The following SIMC1 variants were observed in gnomAD, a reference collection of about 807,000 sequenced individuals.
SIMC1 encodes SUMO-interacting motif-containing protein 1.
Under a neutral mutation model 82.3 loss-of-function variants are expected in SIMC1, and 55 were observed. The observed-to-expected ratio is 0.67, with a 90% CI of 0.54 to 0.84. The LOEUF is 0.84. Ranked by LOEUF, SIMC1 falls within the 40% of genes least tolerant of loss-of-function variation. The pLI, the probability that SIMC1 is intolerant of heterozygous loss-of-function variation, is 0.00. For synonymous variants in SIMC1, 353 were observed against 426.3 expected, an observed-to-expected ratio of 0.83 and a Z score of 2.12; for missense variants, 915 against 1,107.2, an observed-to-expected ratio of 0.83 and a Z score of 2.46.
At chr5:176,289,280 C>T (rs1485147092) in intron 1 of SIMC1, among the ~76,000 whole-genome samples, 3 of 152,186 alleles carry the variant, frequency 2.0e-5, no homozygotes, top group Non-Finnish European at 4.4e-5. Flanking sequence ...TAGATTCTTT[C>T]ACATTTGCTT....
intron 1 of SIMC1, among the ~76,000 whole-genome samples, chr5:176,277,564 G>T (rs1311682826): frequency 6.6e-6 from 1 of 151,992 alleles, no homozygotes; most frequent in Non-Finnish European, 1.5e-5. Flanking sequence ...TTTTCTTCTA[G>T]GGTTTTTATA....
intron 1 of SIMC1, among the ~76,000 whole-genome samples, chr5:176,281,250 C>T (rs1012049312): frequency 9.8e-5 from 15 of 152,346 alleles, no homozygotes; most frequent in Admixed American, 2.6e-4. Flanking sequence ...GCATGCTTCA[C>T]GTAGTTCTCG....
chr5:176,290,926 A>C lies in SIMC1; in HGVS notation c.1402A>C (p.Thr468Pro). 1 of 1,603,946 alleles carries C rather than the reference A, an allele frequency of 6.2e-7. No individual in the cohort carries two copies. Residue 468 changes from threonine (T) to proline (P), a missense_variant, in exon 2 of 10, where the codon ACG becomes CCG. Physicochemically the swap from Thr to Pro is conservative, Grantham distance 38. This residue lies in a region of SIMC1 where 902 missense variants were observed against 1,040.3 expected (regional missense o/e 0.87). Transcript: ENST00000429602. The part of the protein sequence containing the change: ...RPPVHHLFFQ[T>P]LIPDKDTREN... ...TCCGGTTCATCACCTCTTCTTTCAG[A>C]CGCTAATACCGGATAAAGACACAAG...
intron 7 of SIMC1, 73 bp downstream of exon 7, chr5:176,324,830 A>G (rs1765308394): frequency 6.8e-7 from 1 of 1,470,616 alleles, no homozygotes; most frequent in Non-Finnish European, 9.0e-7. Context: ...AATCATTTTT[A>G]TTAAATTAAC....
At chr5:176,245,860 C>T (rs1369833037) in intron 1 of SIMC1, among the ~76,000 whole-genome samples, 1 of 151,974 alleles carries the variant, frequency 6.6e-6, no homozygotes, top group Non-Finnish European at 1.5e-5. Flanking sequence ...GGCTCCAGTC[C>T]AAGGTCGAGC....
chr5:176,325,902 AG>A (rs1352472742), intron 7 of SIMC1, among the ~76,000 whole-genome samples: 1 of 152,176 alleles, frequency 6.6e-6, no homozygotes, highest in Non-Finnish European at 1.5e-5. Context: ...GAATGACCCC[AG>A]ATAGTAAGAA....
intron 1 of SIMC1, among the ~76,000 whole-genome samples, chr5:176,277,720 G>T (rs536707798): frequency 1.8e-4 from 28 of 151,960 alleles, no homozygotes; most frequent in African/African-American, 6.1e-4. Flanking sequence ...TTTCCCCATT[G>T]CTTGTTTTTC....
intron 4 of SIMC1, among the ~76,000 whole-genome samples, chr5:176,305,609 C>A (rs1257079084): frequency 7.2e-5 from 10 of 138,774 alleles, no homozygotes; most frequent in African/African-American, 1.4e-4. Context: ...CCGGCCAACC[C>A]CCCCGTCTGG....
intron 1 of SIMC1, among the ~76,000 whole-genome samples, chr5:176,275,956 G>A (rs558396645): frequency 2.0e-5 from 3 of 151,740 alleles, no homozygotes; most frequent in Admixed American, 1.3e-4. Flanking sequence ...GTCTCTGCCC[G>A]GCTTTGGTAT....
chr5:176,263,507 G>T (rs982334299), intron 1 of SIMC1: 5 of 1,495,438 alleles, frequency 3.3e-6, no homozygotes, highest in Non-Finnish European at 3.6e-6. Context: ...GAGCAGGTAT[G>T]TCTCATGGTG....
intron 1 of SIMC1, among the ~76,000 whole-genome samples, chr5:176,266,233 G>A (rs1762206232): frequency 6.6e-6 from 1 of 152,144 alleles, no homozygotes; most frequent in Non-Finnish European, 1.5e-5. Context: ...TGCAACTTGG[G>A]TGGCAGAAAG....
At chr5:176,316,622 G>A (rs1293394456) in intron 5 of SIMC1, among the ~76,000 whole-genome samples, 5 of 152,000 alleles carry the variant, frequency 3.3e-5, no homozygotes, top group Admixed American at 6.6e-5. Flanking sequence ...CCAGGAGGTA[G>A]AGGTTGCAGT....
intron 1 of SIMC1, among the ~76,000 whole-genome samples, chr5:176,244,605 C>G (rs1321457338): frequency 1.3e-5 from 2 of 151,874 alleles, no homozygotes; most frequent in African/African-American, 4.8e-5. Flanking sequence ...TGCAGTACAG[C>G]CAGACATCTT....
intron 4 of SIMC1, chr5:176,308,998 T>G (rs1268291889): frequency 7.2e-6 from 6 of 833,778 alleles, no homozygotes; most frequent in Non-Finnish European, 1.3e-5. Context: ...TGCAAGAACT[T>G]TCTTCTCTGG....
intron 1 of SIMC1, among the ~76,000 whole-genome samples, chr5:176,281,051 A>G (rs1023556970): frequency 6.6e-6 from 1 of 152,170 alleles, no homozygotes; most frequent in African/African-American, 2.4e-5. Flanking sequence ...CATTCTCCCC[A>G]TCACTTTCAG....
intron 1 of SIMC1, among the ~76,000 whole-genome samples, chr5:176,285,416 G>A (rs1298871728): frequency 6.6e-6 from 1 of 152,090 alleles, no homozygotes; most frequent in Non-Finnish European, 1.5e-5. Context: ...ATGCAGAAAA[G>A]GCCTTTGACA....
intron 1 of SIMC1, among the ~76,000 whole-genome samples, chr5:176,271,406 G>A (rs13184384): frequency 6.6e-6 from 1 of 152,076 alleles, no homozygotes; most frequent in African/African-American, 2.4e-5. Flanking sequence ...CCTATATCCA[G>A]TAAAGAAATA....
intron 2 of SIMC1, among the ~76,000 whole-genome samples, chr5:176,292,502 G>T (rs561768319): frequency 6.6e-6 from 1 of 152,054 alleles, no homozygotes; most frequent in Non-Finnish European, 1.5e-5. Context: ...CTAATATGTT[G>T]TAGGTCTTCT....
At chr5:176,253,019 A>G (rs1403164260) in intron 1 of SIMC1, among the ~76,000 whole-genome samples, 1 of 152,216 alleles carries the variant, frequency 6.6e-6, no homozygotes, top group South Asian at 2.1e-4. Context: ...CGCGCCTGCA[A>G]TCGCAGGCAC....
Sources: gnomAD v4.1 joint callset for allele counts (sites outside exome capture counted in the v4.1 genomes callset) on GRCh38, gnomAD v4.1.1 for gene constraint, gnomAD v4.1.1 regional missense constraint, MANE v1.5 for transcripts, NCBI Gene and HGNC (gene_info 2026-07-23, HGNC 2026-07-21) for gene names.